Variants in FBXO15 observed in about 807,000 individuals in gnomAD.
FBXO15 encodes the protein F-box only protein 15.
FBXO15 carries 30 observed loss-of-function variants against 49.5 expected under a neutral mutation model. The observed-to-expected ratio is 0.61, with a 90% CI of 0.45 to 0.82. FBXO15 has a LOEUF of 0.82. FBXO15 is among the 40% of genes least tolerant of loss of function. FBXO15 has a pLI of 0.00. For missense variants in FBXO15, 591 were observed against 631.5 expected, an observed-to-expected ratio of 0.94 and a Z score of 0.69; for synonymous variants, 250 against 232.7, an observed-to-expected ratio of 1.07 and a Z score of -0.68.
intron 8 of FBXO15, among the ~76,000 whole-genome samples, chr18:74,092,744 C>T (rs1913098127): frequency 6.6e-6 from 1 of 152,272 alleles, no homozygotes; most frequent in African/African-American, 2.4e-5. Flanking sequence ...GGATGGAAAC[C>T]TGCTGTGTCA....
chr18:74,137,726 A>G (rs8093384), intron 2 of FBXO15, among the ~76,000 whole-genome samples: 7,553 of 152,284 alleles, frequency 0.05, 265 homozygotes, highest in East Asian at 0.12. Flanking sequence ...GTAAGGAGAC[A>G]GGATGATAGG....
intron 2 of FBXO15, among the ~76,000 whole-genome samples, chr18:74,138,089 G>T (rs1279633740): frequency 1.3e-5 from 2 of 151,998 alleles, no homozygotes; most frequent in East Asian, 3.9e-4. Context: ...GAATCACCCT[G>T]AATCTCTCAT....
At chr18:74,084,109 T>C (rs1912619635) in intron 8 of FBXO15, among the ~76,000 whole-genome samples, 1 of 152,234 alleles carries the variant, frequency 6.6e-6, no homozygotes, top group African/African-American at 2.4e-5. Flanking sequence ...AACATAGCAC[T>C]AATTAATTAC....
In FBXO15 at chr18:74,125,960, G is replaced by T. The variant is rs1914690213; in HGVS notation, c.912+15C>A. 1 of 1,613,436 alleles carries T rather than the reference G, an allele frequency of 6.2e-7. No individual in the cohort carries two copies. The highest frequency in any genetic ancestry group is 1.1e-5 in the South Asian group (1 of 91,042). ...TGGGGAAATGACACAGTACATACAGGGACTCAAGTCTTACCTTCCACACTC... is the reference window on the plus strand; with the variant it reads ...TGGGGAAATGACACAGTACATACAGTGACTCAAGTCTTACCTTCCACACTC... On this transcript the variant is annotated intron_variant, in intron 6 of 9. Coordinates refer to ENST00000419743, the MANE Select transcript of FBXO15 (RefSeq NM_001142958.2).
chr18:74,124,347 C>G, intron 7 of FBXO15, 142 bp downstream of exon 7: 2 of 652,654 alleles, frequency 3.1e-6, no homozygotes, highest in Non-Finnish European at 5.3e-6. Context: ...TTAGCGACAG[C>G]TAATTGTGCC....
intron 1 of FBXO15, among the ~76,000 whole-genome samples, chr18:74,145,894 G>C (rs62097053): frequency 6.6e-6 from 1 of 152,084 alleles, no homozygotes; most frequent in East Asian, 1.9e-4. Flanking sequence ...CACTGCACCC[G>C]GCCCCAATTG....
chr18:74,147,110 T>A (rs1187517046), intron 1 of FBXO15: 1 of 152,218 alleles, frequency 6.6e-6, no homozygotes, highest in African/African-American at 2.4e-5. Context: ...GGAAAGCAGA[T>A]GAGCAAGACC....
Position 74,123,381 on chromosome 18 carries a change from G to A in FBXO15, c.1125C>T (p.Leu375=), listed in dbSNP as rs375921067. 22 of 1,606,748 alleles carry A rather than the reference G, an allele frequency of 1.4e-5. No individual in the cohort carries two copies. The highest frequency in any genetic ancestry group is 3.5e-5 in the Admixed American group (2 of 57,904). The change falls in exon 8 of 10, where the codon CTC becomes CTT. Residue 375 remains leucine, a synonymous_variant. Coordinates refer to ENST00000419743, the MANE Select transcript of FBXO15 (RefSeq NM_001142958.2). ...AATCAATTTCACCTCTCTTGGTGAA[G>A]AGATTGCGAAATGTACCACATAGGT... is the stretch of plus-strand genomic sequence containing the variant. ...VFYLCGTFRN[L]FTKRGNIENG...
intron 8 of FBXO15, among the ~76,000 whole-genome samples, chr18:74,096,728 C>A (rs1282148514): frequency 1.3e-5 from 2 of 151,416 alleles, no homozygotes; most frequent in East Asian, 3.9e-4. Context: ...AGCTTTCTGA[C>A]CAATAATTCA....
intron 8 of FBXO15, among the ~76,000 whole-genome samples, chr18:74,086,502 C>T (rs2145116221): frequency 6.6e-6 from 1 of 152,330 alleles, no homozygotes; most frequent in Admixed American, 6.5e-5. Flanking sequence ...GATCTCAACT[C>T]ACTGCAAGCT....
chr18:74,077,248 G>A (rs987119984), intron 9 of FBXO15, among the ~76,000 whole-genome samples: 12 of 152,208 alleles, frequency 7.9e-5, no homozygotes, highest in African/African-American at 2.9e-4. Flanking sequence ...ATGAGAGGGA[G>A]GTGGTAAGAG....
At chr18:74,118,060 G>T (rs1050379499) in intron 8 of FBXO15, among the ~76,000 whole-genome samples, 1 of 150,826 alleles carries the variant, frequency 6.6e-6, no homozygotes, top group Non-Finnish European at 1.5e-5. Context: ...AGGCTGGAGT[G>T]CAGGGTCACA....
chr18:74,141,578 A>G (rs972268451), intron 1 of FBXO15, among the ~76,000 whole-genome samples: 3 of 152,180 alleles, frequency 2.0e-5, no homozygotes, highest in Non-Finnish European at 4.4e-5. Flanking sequence ...AAAGGAGGGC[A>G]ACAATTGGGA....
At position 74,101,512 on chromosome 18, in the gene FBXO15, T is replaced by C. The variant is rs985476306; in HGVS notation, c.1139-19461A>G. 6.6e-5 allele frequency among the ~76,000 whole-genome samples: 10 copies of C among 152,254 alleles called. No homozygotes were observed. In the East Asian group the frequency reaches 1.7e-3, roughly 26 times the overall value. ...ATCCCATGCTCATGGATGGGTAGAA[T>C]TGATATTGTGAAAATGACCATATTG... is the stretch of plus-strand genomic sequence containing the variant. On this transcript the variant is annotated intron_variant, in intron 8 of 9. Transcript: ENST00000419743.
At position 74,074,515 on chromosome 18, in the gene FBXO15, T is replaced by C. The variant is rs62096988; in HGVS notation, c.1264-785A>G. ...ACAGCACTTCCCGGAAGTGGTCCAC[T>C]TTCACTATCCATGCCTCAGGCACCC... On this transcript the variant is annotated intron_variant, in intron 9 of 9. Coordinates refer to ENST00000419743, the MANE Select transcript of FBXO15 (RefSeq NM_001142958.2). The surrounding 1 kb of genome is among the most constrained non-coding windows in gnomAD (Gnocchi z 4.7). 0.088 allele frequency among the ~76,000 whole-genome samples: 13,352 copies of C among 152,160 alleles called. 826 individuals carry two copies. Among genetic ancestry groups the C allele is most frequent in the Admixed American group, 0.2 (3,008 of 15,290 alleles).
At chr18:74,121,294 T>C (rs779225115) in intron 8 of FBXO15, among the ~76,000 whole-genome samples, 2 of 152,162 alleles carry the variant, frequency 1.3e-5, no homozygotes. Flanking sequence ...TACTTCCCAA[T>C]TCATTCTATG....
chr18:74,139,448 G>A (rs1381280725), intron 2 of FBXO15, among the ~76,000 whole-genome samples: 1 of 152,192 alleles, frequency 6.6e-6, no homozygotes, highest in East Asian at 1.9e-4. Context: ...TGAAATTAAT[G>A]TCCTTAATGA....
intron 8 of FBXO15, among the ~76,000 whole-genome samples, chr18:74,109,950 C>T (rs1037160918): frequency 1.3e-5 from 2 of 151,700 alleles, no homozygotes; most frequent in African/African-American, 4.8e-5. Context: ...GCATGTTGTG[C>T]ACCTGTACCC....
intron 9 of FBXO15, 86 bp downstream of exon 9, chr18:74,081,841 T>C (rs1468630829): frequency 1.1e-5 from 10 of 947,766 alleles, no homozygotes; most frequent in Non-Finnish European, 1.5e-5. Flanking sequence ...CATACATATA[T>C]GACAATATAA....
Sources: allele counts gnomAD v4.1 joint callset (sites outside exome capture counted in the v4.1 genomes callset), GRCh38; gene constraint gnomAD v4.1.1; non-coding constraint Gnocchi (gnomAD v3.1); transcripts MANE v1.5; gene names NCBI Gene and HGNC (gene_info 2026-07-23, HGNC 2026-07-21).